Variants in CCDC85A observed in about 807,000 individuals in gnomAD.
CCDC85A encodes coiled-coil domain containing 85A.
Under a neutral mutation model 50.2 loss-of-function variants are expected in CCDC85A, and 38 were observed. That is an observed-to-expected ratio of 0.76 (90% CI 0.58 to 0.99). CCDC85A has a LOEUF of 0.99. Among genes scored for constraint, CCDC85A ranks in the 50% least tolerant of loss-of-function variants. The pLI, the probability that CCDC85A is intolerant of heterozygous loss-of-function variation, is 0.00. For synonymous variants in CCDC85A, 366 were observed against 301.4 expected (o/e 1.21, Z -2.22); for missense variants, 820 against 742.0 (o/e 1.11, Z -1.22).
At chr2:56,340,474 C>T (rs1288797941) in intron 2 of CCDC85A, among the ~76,000 whole-genome samples, 1 of 152,114 alleles carries the variant, frequency 6.6e-6, no homozygotes, top group Non-Finnish European at 1.5e-5. Flanking sequence ...GTAGCGAAAC[C>T]ATATGAGTCT....
chr2:56,347,227 A>C (rs1489795895), intron 3 of CCDC85A, among the ~76,000 whole-genome samples: 3 of 152,172 alleles, frequency 2.0e-5, no homozygotes, highest in Admixed American at 2.0e-4. Flanking sequence ...TTTTCAGTCA[A>C]GGTGTATTGG....
chr2:56,324,930 A>C (rs1048224634), intron 2 of CCDC85A, among the ~76,000 whole-genome samples: 7 of 151,992 alleles, frequency 4.6e-5, no homozygotes, highest in Non-Finnish European at 1.5e-5. Context: ...TTCACTTTTT[A>C]TTGTTATTTT....
intron 5 of CCDC85A, among the ~76,000 whole-genome samples, chr2:56,379,544 G>A (rs925684954): frequency 6.6e-6 from 1 of 152,186 alleles, no homozygotes; most frequent in Non-Finnish European, 1.5e-5. Context: ...GCTTTTAATG[G>A]CCATTTGAAA....
chr2:56,187,539 A>G lies in CCDC85A; in HGVS notation c.276+2639A>G, dbSNP rs538503886. On this transcript the variant is annotated intron_variant, in intron 1 of 5. Transcript: ENST00000407595. The stretch of plus-strand genomic sequence containing the variant: ...CTGATAATTTGGGCAGCTTTGGCCA[A>G]TTGTTAAACTCTCTGTCTCTCGGTT... Among the ~76,000 whole-genome samples the G allele has an allele frequency of 6.1e-4, 93 of 152,294 alleles. 1 individual carries two copies. In the South Asian group the frequency reaches 0.015, roughly 24 times the overall value.
chr2:56,295,632 A>G lies in CCDC85A; in HGVS notation c.1241-47247A>G, dbSNP rs78279802. On this transcript the variant is annotated intron_variant, in intron 2 of 5. Transcript: ENST00000407595. The stretch of plus-strand genomic sequence containing the variant: ...ACAAAAAGAAATGGCCCCTCTGTCT[A>G]GGAGTGTGAGTTTCTGCCACTCACT... Among the ~76,000 whole-genome samples the G allele has an allele frequency of 8.6e-3, 1,306 of 152,300 alleles. 29 individuals carry two copies. Among genetic ancestry groups the G allele is most frequent in the African/African-American group, 0.03 (1,227 of 41,574 alleles).
intron 2 of CCDC85A, among the ~76,000 whole-genome samples, chr2:56,298,397 T>G (rs1372472089): frequency 1.3e-5 from 2 of 152,302 alleles, no homozygotes; most frequent in Admixed American, 1.3e-4. Context: ...CTCATTTCAA[T>G]CAAATTATAG....
At chr2:56,349,874 A>G (rs1674820392) in intron 3 of CCDC85A, among the ~76,000 whole-genome samples, 1 of 151,944 alleles carries the variant, frequency 6.6e-6, no homozygotes, top group Non-Finnish European at 1.5e-5. Context: ...AAAATGTAGC[A>G]TTATTGTTAC....
chr2:56,305,107 A>G (rs1212928844), intron 2 of CCDC85A, among the ~76,000 whole-genome samples: 1 of 151,962 alleles, frequency 6.6e-6, no homozygotes, highest in Admixed American at 6.6e-5. Flanking sequence ...TGCCTCAAAA[A>G]AAAAAAAATA....
At chr2:56,362,589 C>CT (rs796528055) in intron 3 of CCDC85A, among the ~76,000 whole-genome samples, 1,510 of 148,636 alleles carry the variant, frequency 0.01, 22 homozygotes, top group African/African-American at 0.034. Context: ...ACCCAATTAG[C>CT]TTTTTTTTTT....
chr2:56,308,789 C>A (rs1260195125), intron 2 of CCDC85A, among the ~76,000 whole-genome samples: 1 of 152,176 alleles, frequency 6.6e-6, no homozygotes, highest in Non-Finnish European at 1.5e-5. Flanking sequence ...TCATTGACCG[C>A]TGCGCTGTAG....
intron 2 of CCDC85A, among the ~76,000 whole-genome samples, chr2:56,269,722 C>G (rs1019776245): frequency 7.2e-5 from 11 of 152,272 alleles, no homozygotes; most frequent in African/African-American, 2.6e-4. Context: ...CCCATTAGCA[C>G]CATCATCCCC....
chr2:56,203,086 G>A (rs1319259990), intron 2 of CCDC85A, among the ~76,000 whole-genome samples: 6 of 152,222 alleles, frequency 3.9e-5, no homozygotes, highest in Non-Finnish European at 5.9e-5. Context: ...ATGGTCTTAT[G>A]TTGATTGGCA....
intron 4 of CCDC85A, 39 bp downstream of exon 4, chr2:56,372,517 C>T: frequency 6.6e-7 from 1 of 1,523,300 alleles, no homozygotes; most frequent in South Asian, 1.3e-5. Context: ...TTTGCTTGTG[C>T]ATAACCAGAT....
rs377344153 is a variant in CCDC85A at position 56,268,637 on chromosome 2, GACAAAGTT to G, written c.1241-74237_1241-74230del. Among the ~76,000 whole-genome samples the G allele has an allele frequency of 1.6e-4, 24 of 149,476 alleles. 1 individual carries two copies. The highest frequency in any genetic ancestry group is 5.9e-4 in the African/African-American group (24 of 40,860). On this transcript the variant is annotated intron_variant, in intron 2 of 5. Transcript: ENST00000407595. ...AAAGAAAAGAAAAGAAGAAAAAAAT[GACAAAGTT>G]ACAAGTAAATCAGAAAAGAAATCAC...
At chr2:56,336,905 G>T (rs1264320929) in intron 2 of CCDC85A, among the ~76,000 whole-genome samples, 2 of 152,148 alleles carry the variant, frequency 1.3e-5, no homozygotes, top group African/African-American at 4.8e-5. Flanking sequence ...AAAGAATTTA[G>T]TATTTATCTA....
intron 3 of CCDC85A, among the ~76,000 whole-genome samples, chr2:56,369,303 C>T (rs901294141): frequency 2.1e-4 from 32 of 151,984 alleles, no homozygotes; most frequent in African/African-American, 6.5e-4. Flanking sequence ...GAATGTTGTA[C>T]GTCTTTAAAT....
intron 5 of CCDC85A, among the ~76,000 whole-genome samples, chr2:56,377,095 T>C (rs1164594515): frequency 6.6e-6 from 1 of 152,246 alleles, no homozygotes; most frequent in Non-Finnish European, 1.5e-5. Flanking sequence ...AAACATATAC[T>C]GATTATTGAT....
intron 2 of CCDC85A, among the ~76,000 whole-genome samples, chr2:56,249,917 AG>A (rs1669680934): frequency 6.6e-6 from 1 of 152,304 alleles, no homozygotes; most frequent in East Asian, 1.9e-4. Flanking sequence ...TAACATTGCC[AG>A]GCCCTGCCAT....
intron 2 of CCDC85A, among the ~76,000 whole-genome samples, chr2:56,243,082 G>A (rs1473105673): frequency 6.6e-6 from 1 of 151,698 alleles, no homozygotes; most frequent in African/African-American, 2.4e-5. Context: ...TGATCTTTGG[G>A]TATTTAGTTA....
Sources: gnomAD v4.1 joint callset for allele counts (sites outside exome capture counted in the v4.1 genomes callset) on GRCh38, gnomAD v4.1.1 for gene constraint, MANE v1.5 for transcripts, NCBI Gene and HGNC (gene_info 2026-07-23, HGNC 2026-07-21) for gene names.